The following LHX4 variants were observed in gnomAD, a reference collection of about 807,000 sequenced individuals.
LHX4 encodes LIM homeobox 4.
LHX4 carries 16 observed loss-of-function variants against 39.2 expected under a neutral mutation model. The ratio of observed to expected loss-of-function variants is 0.41; its 90% CI spans 0.28 to 0.62. The LOEUF is 0.62. LHX4 is among the 20% of genes least tolerant of loss of function. The probability of loss-of-function intolerance (pLI) is 0.33; values close to 1 mark genes in which losing one functional copy is unlikely to be tolerated. For missense variants in LHX4, 439 were observed against 511.9 expected (o/e 0.86, Z 1.37); for synonymous variants, 206 against 198.1 (o/e 1.04, Z -0.33).
At chr1:180,229,211 C>T (rs545574554), upstream of LHX4, among the ~76,000 whole-genome samples, 110 of 152,374 alleles carry the variant, frequency 7.2e-4, 1 homozygote, top group African/African-American at 2.6e-3. Context: ...TCACTGCCGC[C>T]CTGCACGCAC....
chr1:180,272,771 A>G (rs1218857932), intron 5 of LHX4: 1 of 152,168 alleles, frequency 6.6e-6, no homozygotes, highest in African/African-American at 2.4e-5. Flanking sequence ...AAATCGATTC[A>G]CTTCTCTTGA....
At position 180,278,960 on chromosome 1, in the gene LHX4, A is replaced by AAAAT. The variant is rs1649210964; in HGVS notation, c.*4387_*4390dup. 1 of 152,194 alleles carries AAAAT rather than the reference A, an allele frequency of 6.6e-6. No homozygotes were observed. The highest frequency in any genetic ancestry group is 6.5e-5 in the Admixed American group (1 of 15,280). The allele number at this position is 152,194 out of a possible 1,614,324, so 9.4% of individuals were successfully genotyped here. A position where few individuals can be genotyped will look rare whatever the true frequency, so the allele number is the denominator to read the frequency against. ...TGAGATGTGTACGGTAAAATTATGT[A>AAAAT]AAATAAATATGGAAATTCTTTAGAT... On this transcript the variant is annotated 3_prime_UTR_variant, in exon 6 of 6. Coordinates refer to ENST00000263726, the MANE Select transcript of LHX4 (RefSeq NM_033343.4).
At chr1:180,259,594 C>A (rs1309863996) in intron 2 of LHX4, among the ~76,000 whole-genome samples, 1 of 151,230 alleles carries the variant, frequency 6.6e-6, no homozygotes, top group Non-Finnish European at 1.5e-5. Context: ...AGTGGGGGAG[C>A]GGGTGGGAGG....
At chr1:180,242,362 G>A (rs963423624) in intron 1 of LHX4, among the ~76,000 whole-genome samples, 12 of 152,090 alleles carry the variant, frequency 7.9e-5, no homozygotes, top group African/African-American at 2.7e-4. Flanking sequence ...ATGTGCCTTT[G>A]TATATGTAGG....
intron 1 of LHX4, among the ~76,000 whole-genome samples, chr1:180,231,483 T>A (rs1664177522): frequency 6.6e-6 from 1 of 150,888 alleles, no homozygotes; most frequent in African/African-American, 2.4e-5. Flanking sequence ...GGAATCCGTC[T>A]CTGTGCTTCA....
chr1:180,251,968 G>A (rs1219831969), intron 2 of LHX4, among the ~76,000 whole-genome samples: 1 of 152,204 alleles, frequency 6.6e-6, no homozygotes, highest in Non-Finnish European at 1.5e-5. Flanking sequence ...AGTCCTCAGT[G>A]GGTGGATTCA....
rs1401704778 is a variant in LHX4, at chr1:180,274,142, A to T, written c.779-43A>T. 3.1e-6 allele frequency: 5 copies of T among 1,613,030 alleles called. No homozygotes were observed. The African/African-American group carries it at 5.3e-5, about 17-fold the overall frequency. ...GTTGTGAAGAGCAGGGGACCATCAG[A>T]GTCCTGGCAGCTGACAATAAATCTC... On this transcript the variant is annotated intron_variant, in intron 5 of 5. Transcript: ENST00000263726.
At chr1:180,260,651 C>T (rs1012262338) in intron 2 of LHX4, among the ~76,000 whole-genome samples, 7 of 151,812 alleles carry the variant, frequency 4.6e-5, no homozygotes, top group African/African-American at 1.7e-4. Context: ...AGGTGGACAG[C>T]GGGCCAATTA....
chr1:180,271,582 C>G, intron 4 of LHX4, 48 bp downstream of exon 4: 1 of 1,607,044 alleles, frequency 6.2e-7, no homozygotes, highest in Non-Finnish European at 8.5e-7. Flanking sequence ...AGGCCCGGGA[C>G]AGGGGTGGAA....
chr1:180,256,539 G>A (rs941730517), intron 2 of LHX4, among the ~76,000 whole-genome samples: 1 of 152,186 alleles, frequency 6.6e-6, no homozygotes, highest in Admixed American at 6.5e-5. Flanking sequence ...TGCGCCGTCT[G>A]GAGAATGAGG....
At chr1:180,237,288 G>A (rs1454773797) in intron 1 of LHX4, among the ~76,000 whole-genome samples, 6 of 152,140 alleles carry the variant, frequency 3.9e-5, no homozygotes, top group African/African-American at 1.4e-4. Flanking sequence ...CTTTCTAGGC[G>A]CCCTGGGAGG....
chr1:180,251,315 GCCC>G (rs1647620235), intron 2 of LHX4, among the ~76,000 whole-genome samples: 1 of 152,212 alleles, frequency 6.6e-6, no homozygotes, highest in African/African-American at 2.4e-5. Context: ...CCACACGCCA[GCCC>G]AGGCTGTTTC....
intron 2 of LHX4, among the ~76,000 whole-genome samples, chr1:180,253,315 C>CA (rs1489382367): frequency 1.3e-5 from 2 of 152,234 alleles, no homozygotes; most frequent in Non-Finnish European, 2.9e-5. Context: ...CCCTTGCTAT[C>CA]ACCAGGTGGG....
rs1301075639 is a variant in LHX4, at chr1:180,253,345, G to T, written c.248+4889G>T. On this transcript the variant is annotated intron_variant, in intron 2 of 5. Coordinates refer to ENST00000263726, the MANE Select transcript of LHX4 (RefSeq NM_033343.4). ...GGTGGGTCCTGGAAGGAGCCAGGCA[G>T]CTGCCTTCCTCTGGAGCACAGCACA... is the stretch of plus-strand genomic sequence containing the variant. Among the ~76,000 whole-genome samples the T allele has an allele frequency of 2.6e-5, 4 of 152,244 alleles. No homozygotes were observed. In the East Asian group the frequency reaches 7.7e-4, roughly 29 times the overall value.
At chr1:180,268,783 G>A (rs1004342299) in intron 3 of LHX4, among the ~76,000 whole-genome samples, 1 of 152,208 alleles carries the variant, frequency 6.6e-6, no homozygotes, top group African/African-American at 2.4e-5. Flanking sequence ...CACCCTGGCT[G>A]TGAGCAAGGC....
intron 3 of LHX4, chr1:180,269,711 A>G (rs1648517443): frequency 6.6e-6 from 1 of 152,212 alleles, no homozygotes; most frequent in Non-Finnish European, 1.5e-5. Flanking sequence ...CAAGTGCACT[A>G]TTTCCCATTT....
chr1:180,246,729 C>CA (rs951640749), intron 1 of LHX4, among the ~76,000 whole-genome samples: 10 of 151,862 alleles, frequency 6.6e-5, no homozygotes, highest in Non-Finnish European at 1.2e-4. Context: ...ACAAAACAAA[C>CA]AAAAAAAACC....
intron 1 of LHX4, among the ~76,000 whole-genome samples, chr1:180,236,755 G>A (rs1664329694): frequency 1.3e-5 from 2 of 152,266 alleles, no homozygotes; most frequent in South Asian, 4.2e-4. Flanking sequence ...GAATAGAGCT[G>A]AGGAGCTTTG....
intron 1 of LHX4, among the ~76,000 whole-genome samples, chr1:180,238,446 C>T (rs2149253359): frequency 6.6e-6 from 1 of 152,284 alleles, no homozygotes; most frequent in African/African-American, 2.4e-5. Flanking sequence ...GACGTGAGTA[C>T]ACTGATGCAT....
Sources: allele counts gnomAD v4.1 joint callset (sites outside exome capture counted in the v4.1 genomes callset), GRCh38; gene constraint gnomAD v4.1.1; transcripts MANE v1.5; gene names NCBI Gene and HGNC (gene_info 2026-07-23, HGNC 2026-07-21).